Variants in ATAD2 observed in about 807,000 individuals in gnomAD.
The protein encoded by ATAD2 is ATPase family AAA domain containing 2, also known as ATPase family AAA domain-containing protein 2.
Under a neutral mutation model 168.9 loss-of-function variants are expected in ATAD2, and 62 were observed. The observed-to-expected ratio is 0.37, with a 90% CI of 0.30 to 0.45. The LOEUF (loss-of-function observed/expected upper bound fraction) is 0.45. Ranked by LOEUF, ATAD2 falls within the 20% of genes least tolerant of loss-of-function variation. The probability of loss-of-function intolerance (pLI) is 1.00; values close to 1 mark genes in which losing one functional copy is unlikely to be tolerated. For synonymous variants in ATAD2, 613 were observed against 571.6 expected (o/e 1.07, Z -1.03); for missense variants, 1,419 against 1,667.8 (o/e 0.85, Z 2.60).
intron 8 of ATAD2, 81 bp from the exon 9 acceptor site, chr8:123,361,727 T>A: frequency 9.0e-7 from 1 of 1,113,788 alleles, no homozygotes; most frequent in Non-Finnish European, 1.3e-6. Context: ...CAGAAATACC[T>A]AATGCTCCAA....
chr8:123,391,709 G>A (rs983304667), intron 1 of ATAD2, among the ~76,000 whole-genome samples: 2 of 152,108 alleles, frequency 1.3e-5, no homozygotes, highest in Non-Finnish European at 2.9e-5. Flanking sequence ...AAAACAGCAA[G>A]GTGTAATCCA....
At chr8:123,354,864 A>AAAAATATATATAT (rs1554644338) in intron 13 of ATAD2, among the ~76,000 whole-genome samples, 1 of 64,706 alleles carries the variant, frequency 1.5e-5, no homozygotes, top group African/African-American at 8.7e-5. Flanking sequence ...AAAAAAAAAA[A>AAAAATATATATAT]ATATATATAT....
chr8:123,404,156 G>A (rs566524326), intron 1 of ATAD2, among the ~76,000 whole-genome samples: 1 of 152,126 alleles, frequency 6.6e-6, no homozygotes, highest in African/African-American at 2.4e-5. Context: ...TGGATTAAAA[G>A]TCTCCTTCAT....
At chr8:123,340,320 G>A (rs1166435738) in intron 19 of ATAD2, among the ~76,000 whole-genome samples, 2 of 152,152 alleles carry the variant, frequency 1.3e-5, no homozygotes, top group Admixed American at 6.5e-5. Flanking sequence ...AGGCCAGAAG[G>A]TAAGTGTGGG....
rs748631980 is a variant in ATAD2 at position 123,396,242 on chromosome 8, A to C, written c.116T>G (p.Leu39Arg). ...CTTCTGCGCCGCGCCGGCCGAGCGG[A>C]GCCGCCTCCGGCCGATGTGCTCCAG... is the stretch of plus-strand genomic sequence containing the variant. ...LSLEHIGRRRLRSAGAAQKKP... is the reference protein window; with the variant it reads ...LSLEHIGRRRRRSAGAAQKKP... Residue 39 changes from leucine to arginine, a missense_variant, in exon 1 of 28, where the codon CTC becomes CGC. This residue lies in a region of ATAD2 where 419 missense variants were observed against 423.5 expected (regional missense o/e 0.99). Transcript: ENST00000287394. 1 of 1,606,764 alleles carries C rather than the reference A, an allele frequency of 6.2e-7. No homozygotes were observed. The highest frequency in any genetic ancestry group is 2.2e-5 in the East Asian group (1 of 44,716).
chr8:123,394,691 C>T (rs1306667393), intron 1 of ATAD2, among the ~76,000 whole-genome samples: 1 of 152,126 alleles, frequency 6.6e-6, no homozygotes, highest in Non-Finnish European at 1.5e-5. Flanking sequence ...CAGTACGTAT[C>T]ATTATGTTCA....
In ATAD2 at chr8:123,370,989, C is replaced by A; in HGVS notation, c.641G>T (p.Ser214Ile). Residue 214 changes from serine to isoleucine, a missense_variant and splice_region_variant, in exon 6 of 28, where the codon AGC (serine) becomes ATC (isoleucine). Around this residue, in one of 5 missense-constraint regions of ATAD2, gnomAD observed 419 missense variants for 423.5 expected, o/e 0.99. Coordinates refer to ENST00000287394, the MANE Select transcript of ATAD2 (RefSeq NM_014109.4). ...DLGVFNETEE[S>I]NLNMYTRGKQ... is the part of the protein sequence containing the mutation. ...TCCTCTTGTGTACATATTAAGATTG[C>A]TCTAAAAATGTTTAAATAAAAGCCA... 6.4e-7 allele frequency: 1 copy of A among 1,563,076 alleles called. No individual in the cohort carries two copies. Among genetic ancestry groups the A allele is most frequent in the South Asian group, 1.2e-5 (1 of 84,084 alleles).
intron 1 of ATAD2, among the ~76,000 whole-genome samples, chr8:123,404,969 A>G (rs893251478): frequency 2.6e-5 from 4 of 152,192 alleles, no homozygotes; most frequent in African/African-American, 9.7e-5. Context: ...ACATTCACAC[A>G]TAAGAGGGGG....
chr8:123,401,502 A>G, intron 1 of ATAD2: 2 of 1,569,630 alleles, frequency 1.3e-6, no homozygotes, highest in Admixed American at 3.6e-5. Context: ...AGCCCAGGCC[A>G]AGAACCTGAT....
intron 26 of ATAD2, among the ~76,000 whole-genome samples, 173 bp from the exon 27 acceptor site, chr8:123,323,239 A>G (rs1460666200): frequency 6.6e-6 from 1 of 152,202 alleles, no homozygotes; most frequent in Non-Finnish European, 1.5e-5. Flanking sequence ...ACTTAAGTCT[A>G]GCTATAATCC....
intron 24 of ATAD2, among the ~76,000 whole-genome samples, chr8:123,330,873 A>G (rs768714160): frequency 2.4e-4 from 37 of 152,246 alleles, no homozygotes; most frequent in Non-Finnish European, 5.1e-4. Context: ...AAAAGTACAA[A>G]GTTTTTGCAT....
intron 22 of ATAD2, among the ~76,000 whole-genome samples, chr8:123,334,975 T>G (rs1353301450): frequency 6.6e-6 from 1 of 152,102 alleles, no homozygotes; most frequent in Non-Finnish European, 1.5e-5. Context: ...CTGAAGAAAG[T>G]CAGGGCAAGG....
Position 123,369,940 on chromosome 8 carries a change from TCA to T in ATAD2, c.810_811del (p.Asp270GlufsTer2), listed in dbSNP as rs762975831. ...ATCTTCATCATCATCATCATCATCA[TCA>T]TCGTCATCATCATCATCATCTTCAT... On this transcript the variant is annotated frameshift_variant, in exon 7 of 28. Transcript: ENST00000287394. LOFTEE classifies it high-confidence loss of function. 17 of 1,575,482 alleles carry T rather than the reference TCA, an allele frequency of 1.1e-5. No individual in the cohort carries two copies. Among genetic ancestry groups the T allele is most frequent in the Non-Finnish European group, 1.1e-5 (13 of 1,149,202 alleles).
chr8:123,337,535 G>A, intron 21 of ATAD2, 90 bp downstream of exon 21: 9 of 1,233,240 alleles, frequency 7.3e-6, no homozygotes, highest in Non-Finnish European at 5.5e-6. Context: ...AGTTAAGAGT[G>A]TAGGCAGAAC....
In ATAD2 at chr8:123,355,432, G is replaced by T. The variant is rs796383501; in HGVS notation, c.1646+957C>A. On this transcript the variant is annotated intron_variant, in intron 13 of 27. Coordinates refer to ENST00000287394, the MANE Select transcript of ATAD2 (RefSeq NM_014109.4). ...GTTCTAAAAAACTGAAATGAATTGG[G>T]ACTAAAAGCAATTTAGATTCAGGTT... 5.9e-5 allele frequency among the ~76,000 whole-genome samples: 9 copies of T among 152,210 alleles called. 1 individual carries two copies. Among genetic ancestry groups the T allele is most frequent in the African/African-American group, 2.2e-4 (9 of 41,540 alleles).
At chr8:123,397,247 A>G (rs1812895249), upstream of ATAD2, among the ~76,000 whole-genome samples, 1 of 151,070 alleles carries the variant, frequency 6.6e-6, no homozygotes. Flanking sequence ...TCTCAAAAAA[A>G]AAAAAAAAAA....
chr8:123,346,885 T>G, intron 16 of ATAD2, 135 bp from the exon 17 acceptor site: 1 of 1,127,104 alleles, frequency 8.9e-7, no homozygotes, highest in Non-Finnish European at 1.3e-6. Flanking sequence ...TATGAATTAA[T>G]AAGTAAATGT....
intron 1 of ATAD2, among the ~76,000 whole-genome samples, chr8:123,412,679 G>A (rs949005159): frequency 6.6e-6 from 1 of 151,858 alleles, no homozygotes; most frequent in African/African-American, 2.4e-5. Context: ...CGATCCTCCC[G>A]CCTTGGTCTC....
chr8:123,398,955 T>C (rs1163646366), upstream of ATAD2, among the ~76,000 whole-genome samples: 1 of 152,230 alleles, frequency 6.6e-6, no homozygotes, highest in East Asian at 1.9e-4. Flanking sequence ...GAGTTTACTA[T>C]TACTTGGTTT....
Sources: gnomAD v4.1 joint callset for allele counts (sites outside exome capture counted in the v4.1 genomes callset) on GRCh38, gnomAD v4.1.1 for gene constraint, gnomAD v4.1.1 regional missense constraint, MANE v1.5 for transcripts, NCBI Gene and HGNC (gene_info 2026-07-23, HGNC 2026-07-21) for gene names.